CFAP77: variants seen among roughly 807,000 people sequenced by gnomAD.
CFAP77 encodes cilia and flagella associated protein 77.
In CFAP77, 25 loss-of-function variants were observed where a neutral mutation model predicts 31.1. The ratio of observed to expected loss-of-function variants is 0.80; its 90% CI spans 0.59 to 1.12. The LOEUF is 1.12. CFAP77 is among the 50% of genes most tolerant of loss of function. CFAP77 has a pLI of 0.00. For missense variants in CFAP77, 377 were observed against 397.3 expected, an observed-to-expected ratio of 0.95 and a Z score of 0.44; for synonymous variants, 151 against 159.9, an observed-to-expected ratio of 0.94 and a Z score of 0.42.
chr9:132,416,883 C>G (rs952781784), intron 1 of CFAP77, among the ~76,000 whole-genome samples: 3 of 151,116 alleles, frequency 2.0e-5, no homozygotes, highest in Non-Finnish European at 4.4e-5. Context: ...GTGATCTGTC[C>G]GCTTCAGCCT....
At chr9:132,525,781 A>G (rs1317002102) in intron 3 of CFAP77, among the ~76,000 whole-genome samples, 1 of 152,246 alleles carries the variant, frequency 6.6e-6, no homozygotes, top group Non-Finnish European at 1.5e-5. Flanking sequence ...CAATGCCTGG[A>G]AAATTTCAAG....
At chr9:132,425,736 A>G (rs2131684886) in intron 1 of CFAP77, among the ~76,000 whole-genome samples, 1 of 152,324 alleles carries the variant, frequency 6.6e-6, no homozygotes, top group South Asian at 2.1e-4. Context: ...AATAGGAAAA[A>G]AAGTCACTTA....
chr9:132,413,307 T>A (rs1277077295), intron 1 of CFAP77, among the ~76,000 whole-genome samples: 1 of 152,164 alleles, frequency 6.6e-6, no homozygotes, highest in Non-Finnish European at 1.5e-5. Context: ...AACTGAGACA[T>A]CCAAGCAGGT....
At chr9:132,486,861 G>C (rs1488732708) in intron 1 of CFAP77, among the ~76,000 whole-genome samples, 3 of 152,274 alleles carry the variant, frequency 2.0e-5, no homozygotes, top group African/African-American at 7.2e-5. Context: ...GGGAGGGAAC[G>C]GTGGGGCCCT....
chr9:132,484,454 A>G (rs964185262), intron 1 of CFAP77, among the ~76,000 whole-genome samples: 13 of 152,076 alleles, frequency 8.5e-5, no homozygotes, highest in African/African-American at 2.9e-4. Flanking sequence ...CTTCAGATTG[A>G]CCTATTTGGA....
intron 5 of CFAP77, among the ~76,000 whole-genome samples, chr9:132,566,837 C>T (rs1281827041): frequency 6.6e-6 from 1 of 152,230 alleles, no homozygotes; most frequent in African/African-American, 2.4e-5. Context: ...TCCCTCATCA[C>T]AGTCCTTCCA....
In CFAP77 at chr9:132,545,416, T is replaced by C. The variant is rs1249039015; in HGVS notation, c.732+2369T>C. On this transcript the variant is annotated intron_variant, in intron 5 of 5. Transcript: ENST00000393216. This position sits in a 1 kb window ranked among gnomAD's most constrained non-coding sequence, Gnocchi z 4.6. ...ATGGCAGGGCCCAAGCCGAGACACA[T>C]GACCTATCGGGCCATAAAACTCATG... is the stretch of plus-strand genomic sequence containing the variant. 1.3e-5 allele frequency among the ~76,000 whole-genome samples: 2 copies of C among 151,664 alleles called. No individual in the cohort carries two copies. The highest frequency in any genetic ancestry group is 2.9e-5 in the Non-Finnish European group (2 of 67,954).
intron 1 of CFAP77, among the ~76,000 whole-genome samples, chr9:132,470,041 G>A (rs1209787863): frequency 6.6e-6 from 1 of 152,168 alleles, no homozygotes. Context: ...GTTTCTCCAT[G>A]TTGGTCAGGC....
chr9:132,430,190 C>T (rs895418540), intron 1 of CFAP77, among the ~76,000 whole-genome samples: 1 of 152,068 alleles, frequency 6.6e-6, no homozygotes, highest in East Asian at 1.9e-4. Flanking sequence ...TTTAAAATTT[C>T]TGGTTCTGTG....
intron 1 of CFAP77, among the ~76,000 whole-genome samples, chr9:132,414,972 G>A (rs953267622): frequency 6.6e-6 from 1 of 152,164 alleles, no homozygotes; most frequent in African/African-American, 2.4e-5. Context: ...ACACAAAGAA[G>A]GCAGGCAGAC....
chr9:132,461,086 A>T (rs189140541), intron 1 of CFAP77, among the ~76,000 whole-genome samples: 2 of 152,316 alleles, frequency 1.3e-5, no homozygotes, highest in African/African-American at 2.4e-5. Context: ...TAATGTAAAA[A>T]ATGTATGCTC....
chr9:132,563,654 C>T (rs1050315165), intron 5 of CFAP77, among the ~76,000 whole-genome samples: 5 of 152,194 alleles, frequency 3.3e-5, no homozygotes, highest in Non-Finnish European at 5.9e-5. Flanking sequence ...AACGTGGACT[C>T]GTTGGTTCGT....
At chr9:132,510,087 A>C (rs1282214900) in intron 3 of CFAP77, among the ~76,000 whole-genome samples, 1 of 152,156 alleles carries the variant, frequency 6.6e-6, no homozygotes, top group African/African-American at 2.4e-5. Context: ...GGGAGGGCTC[A>C]GGGAGGCACT....
At chr9:132,537,444 G>A (rs897941598) in intron 3 of CFAP77, among the ~76,000 whole-genome samples, 157 bp from the exon 4 acceptor site, 2 of 152,136 alleles carry the variant, frequency 1.3e-5, no homozygotes, top group African/African-American at 4.8e-5. Context: ...GACCTGTTTC[G>A]TGGCTTTTGA....
intron 1 of CFAP77, among the ~76,000 whole-genome samples, chr9:132,433,611 A>C (rs1259956706): frequency 2.0e-5 from 3 of 151,204 alleles, no homozygotes; most frequent in Non-Finnish European, 2.9e-5. Flanking sequence ...GCAGTGGCAC[A>C]ATCTTGGCTC....
In CFAP77 at chr9:132,498,763, C is replaced by T. The variant is rs1270415214; in HGVS notation, c.264C>T (p.Tyr88=). 6.2e-7 allele frequency: 1 copy of T among 1,611,396 alleles called. No individual in the cohort carries two copies. Among genetic ancestry groups the T allele is most frequent in the South Asian group, 1.1e-5 (1 of 90,404 alleles). The part of the protein sequence containing the change: ...LPGINFNYGL[Y]IRGLDGGVPE... ...GCATTAATTTTAATTATGGACTCTA[C>T]ATCCGAGGGCTTGACGGAGGAGTCC... is the stretch of plus-strand genomic sequence containing the variant. The change falls in exon 2 of 6, where the codon TAC becomes TAT. Residue 88 remains tyrosine (Y), a synonymous_variant. Coordinates refer to ENST00000393216, the MANE Select transcript of CFAP77 (RefSeq NM_001282957.2). The surrounding 1 kb of genome is among the most constrained non-coding windows in gnomAD (Gnocchi z 4.2).
At chr9:132,507,996 T>A (rs1851963443) in intron 3 of CFAP77, among the ~76,000 whole-genome samples, 1 of 152,228 alleles carries the variant, frequency 6.6e-6, no homozygotes, top group Non-Finnish European at 1.5e-5. Context: ...GTATGTCAGG[T>A]CCCAGAGCGC....
intron 3 of CFAP77, chr9:132,513,185 T>C: frequency 1.4e-6 from 2 of 1,418,332 alleles, no homozygotes; most frequent in South Asian, 1.4e-5. Context: ...TTTTTAAATG[T>C]GCAATTAAGT....
intron 1 of CFAP77, among the ~76,000 whole-genome samples, chr9:132,461,048 G>A (rs1208184033): frequency 6.6e-6 from 1 of 151,992 alleles, no homozygotes; most frequent in Non-Finnish European, 1.5e-5. Flanking sequence ...TTTATACTAC[G>A]TAATTTTCAC....
Sources: allele counts gnomAD v4.1 joint callset (sites outside exome capture counted in the v4.1 genomes callset), GRCh38; gene constraint gnomAD v4.1.1; non-coding constraint Gnocchi (gnomAD v3.1); transcripts MANE v1.5; gene names NCBI Gene and HGNC (gene_info 2026-07-23, HGNC 2026-07-21).